TTC29: variants seen among roughly 807,000 people sequenced by gnomAD.
The protein encoded by TTC29 is tetratricopeptide repeat protein 29.
In TTC29, 49 loss-of-function variants were observed where a neutral mutation model predicts 58.1. The ratio of observed to expected loss-of-function variants is 0.84; its 90% CI spans 0.67 to 1.07. The LOEUF (loss-of-function observed/expected upper bound fraction) is 1.07. Among genes scored for constraint, TTC29 ranks in the 50% least tolerant of loss-of-function variants. TTC29 has a pLI of 0.00. For synonymous variants in TTC29, 209 were observed against 196.8 expected (o/e 1.06, Z -0.52); for missense variants, 582 against 555.6 (o/e 1.05, Z -0.48).
At chr4:146,749,843 T>A (rs1026621930) in intron 11 of TTC29, among the ~76,000 whole-genome samples, 2 of 152,296 alleles carry the variant, frequency 1.3e-5, no homozygotes, top group Middle Eastern at 3.4e-3. Context: ...TATCAGCAGA[T>A]TTTTCAGCAG....
chr4:146,837,414 T>C (rs1561174276), intron 8 of TTC29, among the ~76,000 whole-genome samples: 1 of 151,978 alleles, frequency 6.6e-6, no homozygotes, highest in East Asian at 1.9e-4. Context: ...AGTACCCAGG[T>C]GATGAAATAA....
intron 11 of TTC29, among the ~76,000 whole-genome samples, chr4:146,726,927 A>G (rs1743829080): frequency 6.6e-6 from 1 of 152,124 alleles, no homozygotes; most frequent in Non-Finnish European, 1.5e-5. Flanking sequence ...TGCACGTGGT[A>G]CATTTTTAAA....
At chr4:146,724,194 T>C (rs1487451721) in intron 11 of TTC29, among the ~76,000 whole-genome samples, 1 of 152,030 alleles carries the variant, frequency 6.6e-6, no homozygotes, top group African/African-American at 2.4e-5. Flanking sequence ...GACATAAAGA[T>C]GGCAAAAATA....
intron 8 of TTC29, among the ~76,000 whole-genome samples, chr4:146,838,459 CAGA>C (rs1728651217): frequency 6.6e-6 from 1 of 151,758 alleles, no homozygotes; most frequent in South Asian, 2.1e-4. Flanking sequence ...CTTGCTTTTT[CAGA>C]AGATAGGAAT....
chr4:146,854,576 T>A (rs1729718234), intron 8 of TTC29, among the ~76,000 whole-genome samples: 1 of 152,098 alleles, frequency 6.6e-6, no homozygotes. Flanking sequence ...TCACTCTTAC[T>A]CCCTTTCCCC....
intron 11 of TTC29, among the ~76,000 whole-genome samples, chr4:146,718,483 T>C (rs146570823): frequency 1.3e-5 from 2 of 152,220 alleles, no homozygotes; most frequent in Non-Finnish European, 2.9e-5. Context: ...TGTTTCCATA[T>C]GTCTGTTCGC....
intron 2 of TTC29, chr4:146,942,736 G>A: frequency 1.4e-5 from 13 of 932,632 alleles, no homozygotes; most frequent in Non-Finnish European, 2.1e-5. Context: ...GCCTCATTTG[G>A]GGCATTCCAT....
At chr4:146,871,485 A>T (rs947011754) in intron 7 of TTC29, among the ~76,000 whole-genome samples, 8 of 151,932 alleles carry the variant, frequency 5.3e-5, no homozygotes, top group Non-Finnish European at 8.8e-5. Flanking sequence ...TTAATTGCAG[A>T]TACCATAGTC....
rs545040257 is a variant in TTC29, at chr4:146,851,244, G to C, written c.885+16254C>G. Among the ~76,000 whole-genome samples the C allele has an allele frequency of 3.9e-5, 6 of 152,284 alleles. No individual in the cohort carries two copies. In the East Asian group the frequency reaches 1.2e-3, roughly 29 times the overall value. On this transcript the variant is annotated intron_variant, in intron 8 of 12. Transcript: ENST00000325106. Reference sequence around the variant, plus strand: ...ATCCTCACAACCACATTATAACTTAGATGCTAGAGTAATCTTCATGCCACA... The same window carrying C: ...ATCCTCACAACCACATTATAACTTACATGCTAGAGTAATCTTCATGCCACA...
At chr4:146,873,766 A>C (rs745581145) in intron 7 of TTC29, among the ~76,000 whole-genome samples, 13 of 152,198 alleles carry the variant, frequency 8.5e-5, no homozygotes, top group Non-Finnish European at 1.5e-4. Context: ...TATTATTAAA[A>C]GAAGTTACAG....
chr4:146,895,387 T>C (rs1281882328), intron 6 of TTC29, among the ~76,000 whole-genome samples: 1 of 152,214 alleles, frequency 6.6e-6, no homozygotes, highest in Non-Finnish European at 1.5e-5. Flanking sequence ...ACTAGGAAAC[T>C]GTGTCAGTTA....
At chr4:146,792,216 C>T (rs1579683891) in intron 11 of TTC29, among the ~76,000 whole-genome samples, 1 of 152,152 alleles carries the variant, frequency 6.6e-6, no homozygotes, top group African/African-American at 2.4e-5. Flanking sequence ...GAAGTCAATG[C>T]CTGGCCTTAA....
rs1188466137 is a variant in TTC29 at position 146,874,770 on chromosome 4, CTTT to C, written c.742_744del (p.Lys248del). On this transcript the variant is annotated inframe_deletion, in exon 7 of 13. Transcript: ENST00000325106. ...AGAATTTTGATGGCCTGTTTGTATT[CTTT>C]ATTTTCTAGCATTTTGTCTGAGAGT... The C allele has an allele frequency of 5.0e-6, 8 of 1,609,812 alleles. No homozygotes were observed. Among genetic ancestry groups the C allele is most frequent in the Non-Finnish European group, 6.8e-6 (8 of 1,178,336 alleles).
intron 6 of TTC29, among the ~76,000 whole-genome samples, chr4:146,895,981 G>A (rs940350859): frequency 6.6e-6 from 1 of 151,946 alleles, no homozygotes; most frequent in Non-Finnish European, 1.5e-5. Context: ...CTGTACAATA[G>A]TAAATATTAA....
At chr4:146,797,698 G>A (rs1749919923) in intron 11 of TTC29, among the ~76,000 whole-genome samples, 1 of 151,442 alleles carries the variant, frequency 6.6e-6, no homozygotes, top group South Asian at 2.1e-4. Flanking sequence ...CTGATTTCAA[G>A]CACTGACTAT....
intron 11 of TTC29, among the ~76,000 whole-genome samples, chr4:146,765,031 CA>C (rs1561103587): frequency 6.6e-6 from 1 of 151,780 alleles, no homozygotes; most frequent in African/African-American, 2.4e-5. Flanking sequence ...TATGCATTAC[CA>C]AAAAAGTCTT....
At chr4:146,915,046 C>G (rs1325856244) in intron 4 of TTC29, among the ~76,000 whole-genome samples, 1 of 152,144 alleles carries the variant, frequency 6.6e-6, no homozygotes, top group Non-Finnish European at 1.5e-5. Context: ...TCATTTCTAA[C>G]TGGCACAATA....
intron 11 of TTC29, among the ~76,000 whole-genome samples, chr4:146,750,566 A>G (rs13135969): frequency 0.025 from 3,762 of 152,330 alleles, 60 homozygotes; most frequent in Non-Finnish European, 0.037. Flanking sequence ...AATGATGTAA[A>G]TTGTGACATC....
chr4:146,833,660 T>A (rs1312386985), intron 9 of TTC29, 146 bp downstream of exon 9: 3 of 653,390 alleles, frequency 4.6e-6, no homozygotes, highest in Non-Finnish European at 8.3e-6. Context: ...TGGTTTAAAA[T>A]AACTTATGAT....
Sources: allele counts gnomAD v4.1 joint callset (sites outside exome capture counted in the v4.1 genomes callset), GRCh38; gene constraint gnomAD v4.1.1; transcripts MANE v1.5; gene names NCBI Gene and HGNC (gene_info 2026-07-23, HGNC 2026-07-21).